Variants in NFIB observed in about 807,000 individuals in gnomAD.
NFIB encodes nuclear factor I B.
A neutral mutation model predicts 61.5 loss-of-function variants in NFIB; 11 were observed. That is an observed-to-expected ratio of 0.18 (90% CI 0.11 to 0.30). The LOEUF is 0.30. Among genes scored for constraint, NFIB ranks in the 10% least tolerant of loss-of-function variants. NFIB has a pLI of 1.00. For synonymous variants in NFIB, 260 were observed against 216.5 expected, an observed-to-expected ratio of 1.20 and a Z score of -1.76; for missense variants, 471 against 608.9, an observed-to-expected ratio of 0.77 and a Z score of 2.38.
At chr9:14,260,002 C>T (rs926026954) in intron 2 of NFIB, among the ~76,000 whole-genome samples, 10 of 152,262 alleles carry the variant, frequency 6.6e-5, no homozygotes, top group African/African-American at 1.7e-4. Flanking sequence ...TCCAATACAA[C>T]CTGAAGATGG....
At chr9:14,206,021 G>C (rs1028433194) in intron 2 of NFIB, among the ~76,000 whole-genome samples, 1 of 151,956 alleles carries the variant, frequency 6.6e-6, no homozygotes, top group Non-Finnish European at 1.5e-5. Flanking sequence ...CTGCGTAAAA[G>C]ACATTTAGGG....
At chr9:14,268,879 G>C (rs2057405820) in intron 2 of NFIB, among the ~76,000 whole-genome samples, 1 of 152,146 alleles carries the variant, frequency 6.6e-6, no homozygotes, top group Admixed American at 6.5e-5. Context: ...AAGTACTAAA[G>C]AGATATTGAT....
intron 3 of NFIB, among the ~76,000 whole-genome samples, chr9:14,168,883 C>G (rs894522953): frequency 2.6e-5 from 4 of 152,204 alleles, no homozygotes; most frequent in Non-Finnish European, 5.9e-5. Flanking sequence ...CTCCCAAAAG[C>G]TCACAAGTAC....
chr9:14,483,407 C>T, the NFIB span, among the ~76,000 whole-genome samples: 20 of 152,236 alleles, frequency 1.3e-4, no homozygotes, highest in African/African-American at 4.8e-4. Context: ...TGTGTTTATG[C>T]TTGGTGAGGA....
At chr9:14,191,233 T>C (rs1481422688) in intron 2 of NFIB, among the ~76,000 whole-genome samples, 1 of 151,900 alleles carries the variant, frequency 6.6e-6, no homozygotes, top group Admixed American at 6.6e-5. Flanking sequence ...GAGGCTAAGG[T>C]GGGAGGATCA....
At chr9:14,387,887 G>A (rs149771765) in intron 1 of NFIB, among the ~76,000 whole-genome samples, 31 of 152,224 alleles carry the variant, frequency 2.0e-4, no homozygotes, top group Middle Eastern at 3.4e-3. Flanking sequence ...GGGGTAAGCC[G>A]AGGAGGCTGC....
chr9:14,484,976 C>CT, the NFIB span, among the ~76,000 whole-genome samples: 1 of 152,172 alleles, frequency 6.6e-6, no homozygotes, highest in African/African-American at 2.4e-5. Flanking sequence ...CAGCCACCTT[C>CT]TTGCTGTGTT....
At chr9:14,335,642 T>G (rs1178399436) in intron 1 of NFIB, among the ~76,000 whole-genome samples, 5 of 152,244 alleles carry the variant, frequency 3.3e-5, no homozygotes, top group African/African-American at 1.2e-4. Flanking sequence ...TGGTTTTGCT[T>G]TTCAGTCTTC....
At position 14,120,335 on chromosome 9, in the gene NFIB, G is replaced by T; in HGVS notation, c.1245+105C>A. ...CAACTTCCTGAAGATGGATTTCAAG[G>T]CTTGACGTTCTGCCAGACACACTGT... On this transcript the variant is annotated intron_variant, in intron 8 of 10. Coordinates refer to ENST00000380953, the MANE Select transcript of NFIB (RefSeq NM_001190737.2). This position sits in a 1 kb window ranked among gnomAD's most constrained non-coding sequence, Gnocchi z 4.4. 2 of 1,246,274 alleles carry T rather than the reference G, an allele frequency of 1.6e-6. No individual in the cohort carries two copies. The highest frequency in any genetic ancestry group is 1.2e-6 in the Non-Finnish European group (1 of 856,530). The allele number at this position is 1,246,274 out of a possible 1,614,324, so 77.2% of individuals were successfully genotyped here.
chr9:14,140,764 G>A lies in NFIB; in HGVS notation c.925+5925C>T, dbSNP rs190451407. Among the ~76,000 whole-genome samples the A allele has an allele frequency of 8.7e-4, 132 of 152,174 alleles. 1 individual carries two copies. Among genetic ancestry groups the A allele is most frequent in the Admixed American group, 2.7e-3 (42 of 15,294 alleles). ...GCATGGGTAACATAGTGAGACCCCA[G>A]CTCTACACAAAATTTAAAAATTAGC... On this transcript the variant is annotated intron_variant, in intron 6 of 10. Coordinates refer to ENST00000380953, the MANE Select transcript of NFIB (RefSeq NM_001190737.2).
At chr9:14,191,904 A>AACC (rs2047990706) in intron 2 of NFIB, among the ~76,000 whole-genome samples, 1 of 152,350 alleles carries the variant, frequency 6.6e-6, no homozygotes, top group East Asian at 1.9e-4. Context: ...AATCCAATCA[A>AACC]AAAACAAACT....
intron 2 of NFIB, among the ~76,000 whole-genome samples, chr9:14,260,016 C>T (rs755883236): frequency 3.3e-5 from 5 of 152,270 alleles, no homozygotes; most frequent in Non-Finnish European, 7.4e-5. Flanking sequence ...AAGATGGATT[C>T]GTGGTGGTAC....
chr9:14,400,251 G>C (rs1467568397), upstream of NFIB, among the ~76,000 whole-genome samples: 3 of 152,132 alleles, frequency 2.0e-5, no homozygotes, highest in South Asian at 4.1e-4. Flanking sequence ...TTCCCACTCA[G>C]TAAATGCACA....
intron 1 of NFIB, among the ~76,000 whole-genome samples, chr9:14,335,623 G>A (rs886509073): frequency 4.6e-5 from 7 of 152,112 alleles, no homozygotes; most frequent in African/African-American, 1.4e-4. Context: ...AATATTTTCT[G>A]CCACACTGTG....
intron 6 of NFIB, among the ~76,000 whole-genome samples, chr9:14,134,092 G>A (rs1415989964): frequency 2.0e-5 from 3 of 152,072 alleles, no homozygotes; most frequent in South Asian, 2.1e-4. Flanking sequence ...AAATTCAAAT[G>A]ATAAAAAAGA....
At chr9:14,530,741 A>G in the NFIB span, among the ~76,000 whole-genome samples, 1 of 152,188 alleles carries the variant, frequency 6.6e-6, no homozygotes, top group African/African-American at 2.4e-5. Context: ...ACAGTGGATG[A>G]GCTGACCACC....
the NFIB span, among the ~76,000 whole-genome samples, chr9:14,506,356 G>C: frequency 6.6e-6 from 1 of 152,140 alleles, no homozygotes; most frequent in African/African-American, 2.4e-5. Context: ...AGGTGCTCGG[G>C]AGGACGGAAA....
the NFIB span, among the ~76,000 whole-genome samples, chr9:14,433,744 C>T: frequency 4.6e-5 from 7 of 152,186 alleles, no homozygotes; most frequent in Non-Finnish European, 1.0e-4. Flanking sequence ...TAAAAAACCC[C>T]ACACACAACA....
At chr9:14,203,825 G>A (rs2049321750) in intron 2 of NFIB, among the ~76,000 whole-genome samples, 1 of 152,108 alleles carries the variant, frequency 6.6e-6, no homozygotes, top group Non-Finnish European at 1.5e-5. Context: ...GATAGAAAAT[G>A]GTGACAAGGG....
Sources: allele counts gnomAD v4.1 joint callset (sites outside exome capture counted in the v4.1 genomes callset), GRCh38; gene constraint gnomAD v4.1.1; non-coding constraint Gnocchi (gnomAD v3.1); transcripts MANE v1.5; gene names NCBI Gene and HGNC (gene_info 2026-07-23, HGNC 2026-07-21).